FCRL2: variants seen among roughly 807,000 people sequenced by gnomAD.
FCRL2 encodes Fc receptor like 2.
A neutral mutation model predicts 59.8 loss-of-function variants in FCRL2; 48 were observed. The ratio of observed to expected loss-of-function variants is 0.80; its 90% CI spans 0.64 to 1.02. The LOEUF (loss-of-function observed/expected upper bound fraction) is 1.02. FCRL2 is among the 50% of genes least tolerant of loss of function. FCRL2 has a pLI of 0.00. For synonymous variants in FCRL2, 251 were observed against 229.5 expected, an observed-to-expected ratio of 1.09 and a Z score of -0.85; for missense variants, 658 against 597.3, an observed-to-expected ratio of 1.10 and a Z score of -1.06.
At chr1:157,775,329 A>G (rs1650323342) in intron 2 of FCRL2, among the ~76,000 whole-genome samples, 1 of 152,238 alleles carries the variant, frequency 6.6e-6, no homozygotes, top group Non-Finnish European at 1.5e-5. Flanking sequence ...AGCTAGAGCT[A>G]GAGAAGCAAT....
intron 2 of FCRL2, among the ~76,000 whole-genome samples, chr1:157,773,920 T>C (rs1650215733): frequency 6.6e-6 from 1 of 152,130 alleles, no homozygotes; most frequent in Non-Finnish European, 1.5e-5. Context: ...AGAGGAGAAC[T>C]GCAGTGGAGG....
At chr1:157,749,073 T>G in intron 8 of FCRL2, 113 bp from the exon 9 acceptor site, 1 of 850,680 alleles carries the variant, frequency 1.2e-6, no homozygotes, top group Non-Finnish European at 1.9e-6. Context: ...GCTCTCTGCT[T>G]GGGTGATTTT....
chr1:157,748,998 G>A, intron 8 of FCRL2, 38 bp from the exon 9 acceptor site: 1 of 1,560,118 alleles, frequency 6.4e-7, no homozygotes, highest in Non-Finnish European at 8.8e-7. Context: ...TAATCCCCAG[G>A]GCAGTGAGTG....
intron 7 of FCRL2, among the ~76,000 whole-genome samples, chr1:157,757,435 A>G (rs1648680765): frequency 1.3e-5 from 2 of 152,186 alleles, no homozygotes; most frequent in South Asian, 4.1e-4. Context: ...GTGTATAGGT[A>G]TGTAACAAAC....
chr1:157,764,514 G>C (rs1157504648), intron 7 of FCRL2, among the ~76,000 whole-genome samples: 1 of 152,176 alleles, frequency 6.6e-6, no homozygotes, highest in Non-Finnish European at 1.5e-5. Context: ...AACAACTACA[G>C]AATACGCATT....
Position 157,767,400 on chromosome 1 carries a change from C to T in FCRL2, c.993G>A (p.Leu331=). 1 of 1,614,218 alleles carries T rather than the reference C, an allele frequency of 6.2e-7. No individual in the cohort carries two copies. Among genetic ancestry groups the T allele is most frequent in the East Asian group, 2.2e-5 (1 of 44,886 alleles). The part of the protein sequence containing the change: ...CEALRGSPPI[L]YQFYHEDVTL... ...TGACATCCTCATGATAAAATTGGTACAAGATTGGGGGAGAGCCTCTCAGGG... is the reference window on the plus strand; with the variant it reads ...TGACATCCTCATGATAAAATTGGTATAAGATTGGGGGAGAGCCTCTCAGGG... Residue 331 remains leucine (L), a synonymous_variant, in exon 6 of 12, where the codon TTG becomes TTA. Transcript: ENST00000361516.
intron 10 of FCRL2, 149 bp from the exon 11 acceptor site, chr1:157,747,048 A>G: frequency 1.3e-6 from 1 of 796,798 alleles, no homozygotes; most frequent in Non-Finnish European, 2.0e-6. Context: ...TAAAGTTGTT[A>G]ATACTGAAGT....
chr1:157,763,520 C>G (rs1649260827), intron 7 of FCRL2, among the ~76,000 whole-genome samples: 1 of 151,562 alleles, frequency 6.6e-6, no homozygotes, highest in African/African-American at 2.4e-5. Context: ...AGTGAAAACT[C>G]CATCTCAAAA....
intron 7 of FCRL2, 140 bp from the exon 8 acceptor site, chr1:157,749,817 C>A: frequency 1.8e-6 from 1 of 541,848 alleles, no homozygotes; most frequent in African/African-American, 1.9e-5. Flanking sequence ...ATCTAAATGG[C>A]TACTTATTTA....
intron 7 of FCRL2, among the ~76,000 whole-genome samples, chr1:157,760,694 A>AAG (rs1648973716): frequency 8.8e-6 from 1 of 113,680 alleles, no homozygotes; most frequent in East Asian, 2.4e-4. Flanking sequence ...AAAGAAAGAA[A>AAG]GAAGGAAAGA....
At chr1:157,758,420 C>CAAGGTGA (rs1030261445) in intron 7 of FCRL2, among the ~76,000 whole-genome samples, 2 of 152,010 alleles carry the variant, frequency 1.3e-5, no homozygotes, top group Non-Finnish European at 2.9e-5. Context: ...AACTAACCAA[C>CAAGGTGA]AAGGTGAAAG....
chr1:157,756,776 A>G (rs745324128), intron 7 of FCRL2, among the ~76,000 whole-genome samples: 1 of 152,216 alleles, frequency 6.6e-6, no homozygotes, highest in African/African-American at 2.4e-5. Context: ...AAATTTAGTA[A>G]AAAATAATTT....
chr1:157,749,507 T>A lies in FCRL2; in HGVS notation c.1307+143A>T, dbSNP rs1009143889. 4 of 576,878 alleles carry A rather than the reference T, an allele frequency of 6.9e-6. No homozygotes were observed. In the East Asian group the frequency reaches 8.1e-5, roughly 12 times the overall value. The allele number at this position is 576,878 out of a possible 1,614,324, so 35.7% of individuals were successfully genotyped here. On this transcript the variant is annotated intron_variant, in intron 8 of 11. Coordinates refer to ENST00000361516, the MANE Select transcript of FCRL2 (RefSeq NM_030764.4). ...CCCTGGTGGCAGAAATGTAATGCAG[T>A]AGAGACAAGAGTAAGTATTATAGAA...
rs753790921 is a variant in FCRL2, at chr1:157,766,964, A to C, written c.1170T>G (p.Asp390Glu). Residue 390 changes from aspartate to glutamate, a missense_variant, in exon 7 of 12, where the codon GAT becomes GAG. Transcript: ENST00000361516. ...CTGTCATGAGGTCTCTTCTATAGCC[A>C]TCAGGTCCTGAGGAAAGAAAGCAGT... ...EAVPVSISGP[D>E]GYRRDLMTAG... The C allele has an allele frequency of 6.2e-7, 1 of 1,612,746 alleles. No homozygotes were observed. Among genetic ancestry groups the C allele is most frequent in the Non-Finnish European group, 8.5e-7 (1 of 1,179,616 alleles).
chr1:157,764,685 C>G (rs1424813156), intron 7 of FCRL2, among the ~76,000 whole-genome samples: 2 of 152,088 alleles, frequency 1.3e-5, no homozygotes, highest in African/African-American at 4.8e-5. Context: ...GAAAACCGTA[C>G]AAATAAGTGG....
chr1:157,759,179 C>T (rs1312642460), intron 7 of FCRL2, among the ~76,000 whole-genome samples: 1 of 152,134 alleles, frequency 6.6e-6, no homozygotes, highest in Non-Finnish European at 1.5e-5. Context: ...TCTCCTGCTA[C>T]CCTGTGAAGA....
chr1:157,761,522 T>G (rs1167646385), intron 7 of FCRL2, among the ~76,000 whole-genome samples: 1 of 152,034 alleles, frequency 6.6e-6, no homozygotes. Context: ...GGTGAGAGGG[T>G]GGTTTGAGCC....
Position 157,768,448 on chromosome 1 carries a change from A to T in FCRL2, c.849T>A (p.Pro283=), listed in dbSNP as rs956739627. ...YYCRADNGHV[P]IQSKVVNIPV... ...GGATATTCACCACCTTGCTCTGGAT[A>T]GGCACATGGCCGTTGTCAGCTCTAC... The change falls in exon 5 of 12, where the codon CCT becomes CCA. Residue 283 remains proline (P), a synonymous_variant. Coordinates refer to ENST00000361516, the MANE Select transcript of FCRL2 (RefSeq NM_030764.4). 5.6e-6 allele frequency: 9 copies of T among 1,614,200 alleles called. No homozygotes were observed. In the Middle Eastern group the frequency reaches 8.2e-4, roughly 148 times the overall value.
intron 2 of FCRL2, among the ~76,000 whole-genome samples, chr1:157,771,451 A>C (rs1212266652): frequency 6.6e-6 from 1 of 152,226 alleles, no homozygotes; most frequent in African/African-American, 2.4e-5. Flanking sequence ...TATGCCTGTT[A>C]CTGGAATAAG....
Sources: allele counts gnomAD v4.1 joint callset (sites outside exome capture counted in the v4.1 genomes callset), GRCh38; gene constraint gnomAD v4.1.1; transcripts MANE v1.5; gene names NCBI Gene and HGNC (gene_info 2026-07-23, HGNC 2026-07-21).